SBNO1: variants seen among roughly 807,000 people sequenced by gnomAD.
SBNO1 encodes the protein protein strawberry notch homolog 1.
In SBNO1, 23 loss-of-function variants were observed where a neutral mutation model predicts 173.6. That is an observed-to-expected ratio of 0.13 (90% CI 0.10 to 0.19). The LOEUF (loss-of-function observed/expected upper bound fraction) is 0.19, where lower values mean the gene tolerates loss of function less well. Ranked by LOEUF, SBNO1 falls within the 10% of genes least tolerant of loss-of-function variation. The pLI is 1.00. For synonymous variants in SBNO1, 632 were observed against 571.5 expected, an observed-to-expected ratio of 1.11 and a Z score of -1.51; for missense variants, 1,238 against 1,671.2, an observed-to-expected ratio of 0.74 and a Z score of 4.52.
chr12:123,364,787 T>TGGCGGCGGCAGCAGC lies in SBNO1; in HGVS notation c.-102_-88dup. ...GAGGCGACTGGAGCGGAGGCGGCGGTGGCGGCGGCAGCAGCGGCGTCCTGC... is the reference window on the plus strand; with the variant it reads ...GAGGCGACTGGAGCGGAGGCGGCGGTGGCGGCGGCAGCAGCGGCGGCGGCAGCAGCGGCGTCCTGC... On this transcript the variant is annotated 5_prime_UTR_variant, in exon 1 of 32. Coordinates refer to ENST00000602398, the MANE Select transcript of SBNO1 (RefSeq NM_001167856.3). 2.0e-6 allele frequency: 2 copies of TGGCGGCGGCAGCAGC among 986,926 alleles called. No individual in the cohort carries two copies. Among genetic ancestry groups the TGGCGGCGGCAGCAGC allele is most frequent in the Non-Finnish European group, 2.4e-6 (2 of 831,586 alleles). The allele number at this position is 986,926 out of a possible 1,614,324, so 61.1% of individuals were successfully genotyped here. A position where few individuals can be genotyped will look rare whatever the true frequency, so the allele number is the denominator to read the frequency against.
intron 28 of SBNO1, among the ~76,000 whole-genome samples, chr12:123,306,874 C>T (rs1184228278): frequency 1.3e-5 from 2 of 151,752 alleles, no homozygotes; most frequent in Non-Finnish European, 2.9e-5. Context: ...ACCTACAGTT[C>T]AATCAGTATT....
In SBNO1 at chr12:123,313,260, T is replaced by A. The variant is rs60749038; in HGVS notation, c.3220+360A>T. On this transcript the variant is annotated intron_variant, in intron 24 of 31. Coordinates refer to ENST00000602398, the MANE Select transcript of SBNO1 (RefSeq NM_001167856.3). ...AATAAATAAATAAATAAATAATTTTTAAAAAAGACTCGGTCTTAAAAAAAA... is the reference window on the plus strand; with the variant it reads ...AATAAATAAATAAATAAATAATTTTAAAAAAAGACTCGGTCTTAAAAAAAA... Among the ~76,000 whole-genome samples, 21 of 148,474 alleles carry A rather than the reference T, an allele frequency of 1.4e-4. No homozygotes were observed. The South Asian group carries it at 2.5e-3, about 18-fold the overall frequency.
At chr12:123,338,654 C>A in intron 5 of SBNO1, among the ~76,000 whole-genome samples, 1 of 152,098 alleles carries the variant, frequency 6.6e-6, no homozygotes, top group East Asian at 1.9e-4. Flanking sequence ...CAATGCACTC[C>A]AGCCTGTGAC....
At chr12:123,298,480 A>G (rs1402562917) in intron 30 of SBNO1, among the ~76,000 whole-genome samples, 1 of 151,566 alleles carries the variant, frequency 6.6e-6, no homozygotes, top group African/African-American at 2.4e-5. Context: ...CTGGTCTTAA[A>G]CTCCTGACCT....
intron 31 of SBNO1, among the ~76,000 whole-genome samples, chr12:123,297,595 G>T (rs1050795446): frequency 1.3e-5 from 2 of 151,888 alleles, no homozygotes; most frequent in Non-Finnish European, 2.9e-5. Flanking sequence ...CTTGCTCCCT[G>T]CAGGACACCA....
intron 1 of SBNO1, among the ~76,000 whole-genome samples, chr12:123,354,161 T>C (rs543243178): frequency 2.6e-4 from 39 of 152,248 alleles, no homozygotes; most frequent in South Asian, 1.0e-3. Context: ...CGGTTATAAA[T>C]AACATTATCG....
chr12:123,301,515 TA>T (rs2048789133), intron 30 of SBNO1, among the ~76,000 whole-genome samples: 1 of 152,082 alleles, frequency 6.6e-6, no homozygotes. Context: ...CCAGATACTG[TA>T]AGAGCATTAA....
At position 123,295,006 on chromosome 12, in the gene SBNO1, G is replaced by C. The variant is rs973377646; in HGVS notation, c.*902C>G. ...ATAATGAAGTAAAAAACGATTGTTT[G>C]CAAGATGAAAGCCAATTTGTACTTC... On this transcript the variant is annotated 3_prime_UTR_variant, in exon 32 of 32. Coordinates refer to ENST00000602398, the MANE Select transcript of SBNO1 (RefSeq NM_001167856.3). The C allele has an allele frequency of 6.6e-6, 1 of 152,186 alleles. No homozygotes were observed. The highest frequency in any genetic ancestry group is 2.4e-5 in the African/African-American group (1 of 41,446). The allele number at this position is 152,186 out of a possible 1,614,324, so 9.4% of individuals were successfully genotyped here.
rs1371814405 is a variant in SBNO1, at chr12:123,305,668, T to A, written c.3631-949A>T. 2.0e-5 allele frequency among the ~76,000 whole-genome samples: 3 copies of A among 152,168 alleles called. No homozygotes were observed. In the East Asian group the frequency reaches 5.8e-4, roughly 29 times the overall value. ...TTGTATTTTTAGTAGAGATGGGGTT[T>A]CTCCATGTTGGCCAGGCTGGTCTCA... On this transcript the variant is annotated intron_variant, in intron 28 of 31. Transcript: ENST00000602398.
At chr12:123,349,750 A>C (rs1477352785) in intron 2 of SBNO1, among the ~76,000 whole-genome samples, 1 of 151,956 alleles carries the variant, frequency 6.6e-6, no homozygotes, top group East Asian at 1.9e-4. Context: ...CCCCATCTCT[A>C]CTAAAAATAT....
chr12:123,332,426 G>A (rs1234703233), intron 7 of SBNO1, among the ~76,000 whole-genome samples: 1 of 152,110 alleles, frequency 6.6e-6, no homozygotes, highest in African/African-American at 2.4e-5. Context: ...CGAGTAGCTA[G>A]GATTACAGGC....
chr12:123,322,951 T>C (rs1054386641), intron 16 of SBNO1, among the ~76,000 whole-genome samples: 3 of 152,120 alleles, frequency 2.0e-5, no homozygotes, highest in East Asian at 1.9e-4. Context: ...GCTGTCTATA[T>C]ATTAAAGAAC....
intron 5 of SBNO1, among the ~76,000 whole-genome samples, chr12:123,338,164 G>A (rs7980687): frequency 0.22 from 32,850 of 152,128 alleles, 3,800 homozygotes; most frequent in Middle Eastern, 0.28. Flanking sequence ...GGGGTTGTCA[G>A]GTACTCCCAT....
At chr12:123,297,396 T>A (rs1257548277) in intron 31 of SBNO1, among the ~76,000 whole-genome samples, 4 of 14,456 alleles carry the variant, frequency 2.8e-4, no homozygotes, top group Admixed American at 1.1e-3. Flanking sequence ...AAAATACTGG[T>A]GTCCAAAAAA....
intron 31 of SBNO1, among the ~76,000 whole-genome samples, chr12:123,296,555 G>GTT (rs35125710): frequency 0.027 from 3,812 of 140,376 alleles, 77 homozygotes; most frequent in Middle Eastern, 0.048. Context: ...ATATATATGT[G>GTT]TTTTTTTTTT....
At chr12:123,347,929 A>G (rs1216365518) in intron 3 of SBNO1, 100 bp downstream of exon 3, 4 of 611,134 alleles carry the variant, frequency 6.5e-6, no homozygotes, top group Non-Finnish European at 1.2e-5. Context: ...AGCCTCTCAA[A>G]GTGCTGAGAC....
rs74927808 is a variant in SBNO1, at chr12:123,289,759, T to C, written c.*6149A>G. On this transcript the variant is annotated 3_prime_UTR_variant, in exon 32 of 32. Coordinates refer to ENST00000602398, the MANE Select transcript of SBNO1 (RefSeq NM_001167856.3). ...AACCATGAACAGGATATTTTTCTGA[T>C]AGCGGTGAGACTGCAATGTGCTATG... The C allele has an allele frequency of 5.2e-4, 79 of 152,386 alleles. No individual in the cohort carries two copies. The highest frequency in any genetic ancestry group is 1.8e-3 in the African/African-American group (76 of 41,600). 9.4% of individuals were successfully genotyped at this position (152,386 alleles called of 1,614,324 possible).
At chr12:123,340,086 T>G (rs886768807) in intron 5 of SBNO1, among the ~76,000 whole-genome samples, 9 of 152,196 alleles carry the variant, frequency 5.9e-5, no homozygotes, top group African/African-American at 1.9e-4. Context: ...AGTAGCACAT[T>G]GCATACCATT....
At chr12:123,360,694 C>T (rs565545646) in intron 1 of SBNO1, among the ~76,000 whole-genome samples, 64 of 152,078 alleles carry the variant, frequency 4.2e-4, no homozygotes, top group Middle Eastern at 3.4e-3. Flanking sequence ...CCACCAGCCT[C>T]GGCCCCCTCA....
Sources: gnomAD v4.1 joint callset for allele counts (sites outside exome capture counted in the v4.1 genomes callset) on GRCh38, gnomAD v4.1.1 for gene constraint, MANE v1.5 for transcripts, NCBI Gene and HGNC (gene_info 2026-07-23, HGNC 2026-07-21) for gene names.